The following MAST4 variants were observed in gnomAD, a reference collection of about 807,000 sequenced individuals.
MAST4 encodes microtubule associated serine/threonine kinase family member 4.
A neutral mutation model predicts 162.7 loss-of-function variants in MAST4; 89 were observed. The ratio of observed to expected loss-of-function variants is 0.55; its 90% CI spans 0.46 to 0.65. MAST4 has a LOEUF of 0.65. Ranked by LOEUF, MAST4 falls within the 30% of genes least tolerant of loss-of-function variation. The probability of loss-of-function intolerance (pLI) is 0.00; values close to 1 mark genes in which losing one functional copy is unlikely to be tolerated. For synonymous variants in MAST4, 1,479 were observed against 1,361.1 expected (o/e 1.09, Z -1.91); for missense variants, 3,153 against 3,374.0 (o/e 0.93, Z 1.62).
intron 1 of MAST4, among the ~76,000 whole-genome samples, chr5:66,683,895 G>A (rs1748479660): frequency 6.6e-6 from 1 of 152,180 alleles, no homozygotes; most frequent in African/African-American, 2.4e-5. Flanking sequence ...CATCCACCTG[G>A]CACCCAAGCA....
chr5:67,047,938 G>C (rs1757579536), intron 4 of MAST4, among the ~76,000 whole-genome samples: 1 of 152,144 alleles, frequency 6.6e-6, no homozygotes. Flanking sequence ...TAGACTTGAA[G>C]ATGCCTAGAA....
At chr5:67,103,182 A>C (rs1765217443) in intron 9 of MAST4, among the ~76,000 whole-genome samples, 1 of 152,226 alleles carries the variant, frequency 6.6e-6, no homozygotes, top group Non-Finnish European at 1.5e-5. Context: ...GGCTGCTGCC[A>C]AGCCCCTGGC....
intron 3 of MAST4, among the ~76,000 whole-genome samples, chr5:66,857,267 G>A (rs1246398893): frequency 6.6e-6 from 1 of 152,168 alleles, no homozygotes; most frequent in Admixed American, 6.5e-5. Context: ...TTCATCTCAT[G>A]AATATACCAC....
chr5:66,813,579 T>G (rs948803238), intron 3 of MAST4, among the ~76,000 whole-genome samples: 1 of 152,252 alleles, frequency 6.6e-6, no homozygotes, highest in Non-Finnish European at 1.5e-5. Context: ...GTGCAGCTTC[T>G]GAACAGAATA....
At chr5:66,752,481 C>A (rs1753244440) in intron 1 of MAST4, among the ~76,000 whole-genome samples, 1 of 140,058 alleles carries the variant, frequency 7.1e-6, no homozygotes, top group Non-Finnish European at 1.5e-5. Flanking sequence ...CAAAAAAAGG[C>A]AGGGGTTGCA....
chr5:66,685,095 C>T (rs949555113), intron 1 of MAST4, among the ~76,000 whole-genome samples: 1 of 152,016 alleles, frequency 6.6e-6, no homozygotes, highest in African/African-American at 2.4e-5. Flanking sequence ...AACTCTGTCT[C>T]TACATAAAAT....
chr5:67,074,089 A>G (rs1464678279), intron 5 of MAST4, among the ~76,000 whole-genome samples: 1 of 152,136 alleles, frequency 6.6e-6, no homozygotes, highest in African/African-American at 2.4e-5. Flanking sequence ...TTGTTAAGTC[A>G]TAAAGAGCTT....
Position 66,597,025 on chromosome 5 carries a change from CT to C in MAST4, c.363+10del, listed in dbSNP as rs1475563697. 5 of 1,423,406 alleles carry C rather than the reference CT, an allele frequency of 3.5e-6. No individual in the cohort carries two copies. The highest frequency in any genetic ancestry group is 1.5e-5 in the South Asian group (1 of 67,926). 88.2% of individuals were successfully genotyped at this position (1,423,406 alleles called of 1,614,324 possible). On this transcript the variant is annotated splice_region_variant and intron_variant, in intron 1 of 28. Transcript: ENST00000403625. Reference sequence around the variant, plus strand: ...GGAGGAGCAGGACGAGGAGGTGGGCCTTTCCCCAGCTTGCCCACTCTGGGTT... The same window carrying C: ...GGAGGAGCAGGACGAGGAGGTGGGCCTTCCCCAGCTTGCCCACTCTGGGTT...
intron 4 of MAST4, among the ~76,000 whole-genome samples, chr5:66,977,190 T>C (rs1748253886): frequency 6.6e-6 from 1 of 152,086 alleles, no homozygotes; most frequent in Admixed American, 6.5e-5. Context: ...AACTTCCGCC[T>C]CCTGGGTTCA....
At chr5:66,740,508 T>C (rs1373729604) in intron 1 of MAST4, among the ~76,000 whole-genome samples, 1 of 152,226 alleles carries the variant, frequency 6.6e-6, no homozygotes, top group Admixed American at 6.5e-5. Context: ...TTGTTACATC[T>C]GTGCTTGGCT....
chr5:66,812,784 G>C (rs1442616542), intron 3 of MAST4, among the ~76,000 whole-genome samples: 1 of 152,284 alleles, frequency 6.6e-6, no homozygotes, highest in African/African-American at 2.4e-5. Context: ...GGTTTTGGGA[G>C]CTGGTGCTCT....
intron 4 of MAST4, among the ~76,000 whole-genome samples, chr5:66,994,616 G>A (rs1215111851): frequency 6.6e-6 from 1 of 152,070 alleles, no homozygotes; most frequent in Non-Finnish European, 1.5e-5. Context: ...TAACATGTAT[G>A]ACAGTACATT....
At chr5:66,779,393 CT>C (rs57118930) in intron 2 of MAST4, among the ~76,000 whole-genome samples, 27,503 of 116,702 alleles carry the variant, frequency 0.24, 2,851 homozygotes, top group South Asian at 0.28. Context: ...ACACATAGCA[CT>C]TTTTTTTTTT....
chr5:66,647,595 TCTAA>T (rs1192661802), intron 1 of MAST4, among the ~76,000 whole-genome samples: 1 of 152,158 alleles, frequency 6.6e-6, no homozygotes, highest in African/African-American at 2.4e-5. Context: ...TCCTAAATAA[TCTAA>T]CTGTGGTGTA....
chr5:66,916,641 C>T (rs544178095), intron 4 of MAST4, among the ~76,000 whole-genome samples: 92 of 152,288 alleles, frequency 6.0e-4, no homozygotes, highest in Non-Finnish European at 9.1e-4. Flanking sequence ...TTCCATTCTT[C>T]ACTTCATATG....
intron 1 of MAST4, among the ~76,000 whole-genome samples, chr5:66,706,348 A>G (rs1326599733): frequency 6.6e-6 from 1 of 152,180 alleles, no homozygotes; most frequent in Non-Finnish European, 1.5e-5. Flanking sequence ...GAGTTGGAGG[A>G]CAGAGCCAAG....
At chr5:66,851,086 A>T (rs1007814917) in intron 3 of MAST4, among the ~76,000 whole-genome samples, 1 of 152,208 alleles carries the variant, frequency 6.6e-6, no homozygotes, top group Non-Finnish European at 1.5e-5. Flanking sequence ...AATGTCTTTT[A>T]CAATTTCGAA....
At chr5:67,087,930 A>G (rs1039786622) in intron 5 of MAST4, among the ~76,000 whole-genome samples, 43 of 152,178 alleles carry the variant, frequency 2.8e-4, no homozygotes, top group African/African-American at 1.0e-3. Flanking sequence ...CAAGCAATGG[A>G]CCTAGAAAGG....
At chr5:66,665,163 G>A (rs989230063) in intron 1 of MAST4, among the ~76,000 whole-genome samples, 1 of 152,194 alleles carries the variant, frequency 6.6e-6, no homozygotes, top group African/African-American at 2.4e-5. Flanking sequence ...GAAGAGTTTT[G>A]TTTAAAAGAA....
Sources: allele counts gnomAD v4.1 joint callset (sites outside exome capture counted in the v4.1 genomes callset), GRCh38; gene constraint gnomAD v4.1.1; transcripts MANE v1.5; gene names NCBI Gene and HGNC (gene_info 2026-07-23, HGNC 2026-07-21).